The following POFUT3 variants were observed in gnomAD, a reference collection of about 807,000 sequenced individuals.
The protein encoded by POFUT3 is GDP-fucose protein O-fucosyltransferase 3.
At chr8:33,359,185 A>T in the POFUT3 span, among the ~76,000 whole-genome samples, 1 of 152,208 alleles carries the variant, frequency 6.6e-6, no homozygotes, top group Non-Finnish European at 1.5e-5. Context: ...GATATTATCA[A>T]TTGGTGAATC....
chr8:33,366,074 G>A, the POFUT3 span, among the ~76,000 whole-genome samples: 2 of 152,186 alleles, frequency 1.3e-5, no homozygotes, highest in African/African-American at 4.8e-5. Flanking sequence ...ATACTATGCA[G>A]CCATAAAAAA....
chr8:33,310,290 C>G, the POFUT3 span, among the ~76,000 whole-genome samples: 1 of 152,098 alleles, frequency 6.6e-6, no homozygotes, highest in Non-Finnish European at 1.5e-5. Flanking sequence ...GTGTGCTTTA[C>G]AGAAAAAGCT....
At chr8:33,461,314 G>A in the POFUT3 span, 6 of 1,534,822 alleles carry the variant, frequency 3.9e-6, no homozygotes, top group Middle Eastern at 1.1e-3. Context: ...AAAATAGGGG[G>A]TAGGGGGACA....
the POFUT3 span, among the ~76,000 whole-genome samples, chr8:33,383,049 T>C: frequency 6.6e-6 from 1 of 152,090 alleles, no homozygotes; most frequent in African/African-American, 2.4e-5. Flanking sequence ...CATGGATCAA[T>C]TTTCTCCCCT....
the POFUT3 span, among the ~76,000 whole-genome samples, chr8:33,396,645 C>T: frequency 5.2e-3 from 790 of 152,278 alleles, 5 homozygotes; most frequent in Non-Finnish European, 6.8e-3. Context: ...AGATGAGACT[C>T]CTTTTAAGAA....
At chr8:33,423,240 C>G in the POFUT3 span, among the ~76,000 whole-genome samples, 7 of 151,692 alleles carry the variant, frequency 4.6e-5, 1 homozygote, top group South Asian at 1.5e-3. Context: ...AAGTTTGTAT[C>G]CTTGATATTA....
chr8:33,372,694 C>A, the POFUT3 span: 9 of 1,613,982 alleles, frequency 5.6e-6, no homozygotes, highest in African/African-American at 1.2e-4. Flanking sequence ...AAATCCACAT[C>A]TCTCGCAAAG....
the POFUT3 span, among the ~76,000 whole-genome samples, chr8:33,410,081 G>A: frequency 6.6e-6 from 1 of 152,204 alleles, no homozygotes; most frequent in Non-Finnish European, 1.5e-5. Flanking sequence ...AAAGATGTGT[G>A]AAGTGGCTTT....
the POFUT3 span, among the ~76,000 whole-genome samples, chr8:33,329,358 T>C: frequency 1.1e-4 from 16 of 152,226 alleles, no homozygotes; most frequent in Non-Finnish European, 1.8e-4. Context: ...TTCAAATACA[T>C]TTCCAGAAAG....
chr8:33,361,763 C>A, the POFUT3 span, among the ~76,000 whole-genome samples: 92 of 152,214 alleles, frequency 6.0e-4, 1 homozygote, highest in African/African-American at 2.2e-3. Flanking sequence ...GCAAAATAAT[C>A]ATAATTTCCT....
At chr8:33,310,206 C>T in the POFUT3 span, among the ~76,000 whole-genome samples, 1 of 152,060 alleles carries the variant, frequency 6.6e-6, no homozygotes, top group African/African-American at 2.4e-5. Context: ...TTTGCCACAC[C>T]ACTCACAGCT....
chr8:33,411,695 C>T, the POFUT3 span, among the ~76,000 whole-genome samples: 13 of 152,054 alleles, frequency 8.5e-5, no homozygotes, highest in Admixed American at 2.6e-4. Flanking sequence ...GGCTGAGGCA[C>T]GAGAATCACT....
At chr8:33,356,135 T>C in the POFUT3 span, among the ~76,000 whole-genome samples, 1 of 152,326 alleles carries the variant, frequency 6.6e-6, no homozygotes, top group South Asian at 2.1e-4. Flanking sequence ...TAAACATACG[T>C]GTGCATGTGT....
At chr8:33,367,081 C>CA in the POFUT3 span, among the ~76,000 whole-genome samples, 2 of 151,878 alleles carry the variant, frequency 1.3e-5, no homozygotes, top group Admixed American at 6.6e-5. Flanking sequence ...CTGTCTCTAC[C>CA]AAAAAATAAA....
the POFUT3 span, among the ~76,000 whole-genome samples, chr8:33,354,009 A>AT: frequency 1.3e-5 from 2 of 151,964 alleles, no homozygotes; most frequent in Non-Finnish European, 2.9e-5. Flanking sequence ...CAGAAAGTGC[A>AT]TTTTTTACTC....
chr8:33,329,941 G>T, the POFUT3 span, among the ~76,000 whole-genome samples: 6 of 152,054 alleles, frequency 3.9e-5, no homozygotes, highest in Non-Finnish European at 8.8e-5. Flanking sequence ...TAGAAGGAAG[G>T]TCTTCTCCAC....
the POFUT3 span, among the ~76,000 whole-genome samples, chr8:33,338,465 C>T: frequency 6.6e-6 from 1 of 152,180 alleles, no homozygotes; most frequent in African/African-American, 2.4e-5. Context: ...TGCCACTTGC[C>T]ATTGGCTAGT....
chr8:33,450,468 A>G, the POFUT3 span, among the ~76,000 whole-genome samples: 12,445 of 152,308 alleles, frequency 0.082, 652 homozygotes, highest in African/African-American at 0.15. Flanking sequence ...GACAGGACAA[A>G]TACGAAAAGG....
At chr8:33,315,998 G>A in the POFUT3 span, among the ~76,000 whole-genome samples, 3,261 of 152,122 alleles carry the variant, frequency 0.021, 123 homozygotes, top group African/African-American at 0.075. Context: ...GTGGGGCTGG[G>A]GAGTGGATTA....
Sources: gnomAD v4.1 joint callset for allele counts (sites outside exome capture counted in the v4.1 genomes callset) on GRCh38, gnomAD v4.1.1 for gene constraint, MANE v1.5 for transcripts, NCBI Gene and HGNC (gene_info 2026-07-23, HGNC 2026-07-21) for gene names.